The following SYNE2 variants were observed in gnomAD, a reference collection of about 807,000 sequenced individuals.
SYNE2 encodes spectrin repeat containing nuclear envelope protein 2, also known as nesprin-2.
Under a neutral mutation model 856.3 loss-of-function variants are expected in SYNE2, and 431 were observed. The observed-to-expected ratio is 0.50, with a 90% CI of 0.47 to 0.55. The LOEUF (loss-of-function observed/expected upper bound fraction) is 0.55. Ranked by LOEUF, SYNE2 falls within the 20% of genes least tolerant of loss-of-function variation. The pLI is 0.00. For missense variants in SYNE2, 8,129 were observed against 8,023.2 expected (o/e 1.01, Z -0.50); for synonymous variants, 2,923 against 2,872.3 (o/e 1.02, Z -0.56).
intron 14 of SYNE2, among the ~76,000 whole-genome samples, chr14:63,979,925 GA>G (rs1445377938): frequency 6.6e-6 from 1 of 151,692 alleles, no homozygotes; most frequent in Non-Finnish European, 1.5e-5. Flanking sequence ...AAATAGAAAT[GA>G]GGGGGGGAAG....
intron 1 of SYNE2, among the ~76,000 whole-genome samples, chr14:63,900,466 G>A (rs558182113): frequency 2.6e-5 from 4 of 152,194 alleles, no homozygotes; most frequent in Non-Finnish European, 4.4e-5. Context: ...TCCCCCAATA[G>A]TAACCATCAG....
intron 93 of SYNE2, 143 bp from the exon 94 acceptor site, chr14:64,170,085 A>G: frequency 1.3e-6 from 1 of 782,628 alleles, no homozygotes; most frequent in Non-Finnish European, 2.2e-6. Context: ...TTTAAATTGA[A>G]TAGCACTCAG....
intron 60 of SYNE2, among the ~76,000 whole-genome samples, chr14:64,092,759 G>C (rs988173092): frequency 4.6e-5 from 7 of 152,170 alleles, no homozygotes; most frequent in African/African-American, 1.7e-4. Flanking sequence ...CTAGATGCCA[G>C]GTATTGTTCT....
rs1362456543 is a variant in SYNE2 at position 64,122,431 on chromosome 14, A to G, written c.13422+4A>G. ...CCCTCAGCTTGTGGAGCCTCAGGTC[A>G]GTCTGTATCTACATGGTGCAAATAG... On this transcript the variant is annotated splice_donor_region_variant and intron_variant, in intron 70 of 115. Transcript: ENST00000555002. The G allele has an allele frequency of 6.2e-7, 1 of 1,614,210 alleles. No homozygotes were observed. The highest frequency in any genetic ancestry group is 1.7e-5 in the Admixed American group (1 of 60,024).
At chr14:63,863,609 C>T (rs1595265080) in intron 1 of SYNE2, among the ~76,000 whole-genome samples, 3 of 152,154 alleles carry the variant, frequency 2.0e-5, no homozygotes, top group East Asian at 3.9e-4. Flanking sequence ...AAAAACCCCC[C>T]ACAACTCAAA....
At position 63,954,674 on chromosome 14, in the gene SYNE2, G is replaced by A. The variant is rs1255874; in HGVS notation, c.591-45G>A. ...TGAATATAGTGGAGGGGGGTGTTAC[G>A]TTCTTTTTAATGGTATTTGTCATGT... On this transcript the variant is annotated intron_variant, in intron 7 of 115. Coordinates refer to ENST00000555002, the MANE Select transcript of SYNE2 (RefSeq NM_182914.3). 0.7 allele frequency: 1,099,915 copies of A among 1,571,754 alleles called. 386,173 individuals are homozygous for A. The highest frequency in any genetic ancestry group is 0.77 in the South Asian group (69,142 of 89,674).
chr14:64,210,171 T>A (rs776737589), intron 103 of SYNE2, 47 bp downstream of exon 103: 2 of 1,597,898 alleles, frequency 1.3e-6, no homozygotes, highest in African/African-American at 1.3e-5. Context: ...CCAGGAGACA[T>A]AACGCACGAT....
chr14:64,006,240 T>G lies in SYNE2; in HGVS notation c.4398-803T>G, dbSNP rs540033831. On this transcript the variant is annotated intron_variant, in intron 30 of 115. Coordinates refer to ENST00000555002, the MANE Select transcript of SYNE2 (RefSeq NM_182914.3). ...TATTACTTTATCCTTAAATAACTCC[T>G]TTTTGATAGGGAGAGCTTTTTGTAC... Among the ~76,000 whole-genome samples the G allele has an allele frequency of 5.8e-4, 89 of 152,198 alleles. 1 individual carries two copies. Among genetic ancestry groups the G allele is most frequent in the Non-Finnish European group, 1.2e-3 (82 of 68,032 alleles).
At position 64,163,477 on chromosome 14, in the gene SYNE2, C is replaced by A. The variant is rs1335889880; in HGVS notation, c.16375C>A (p.Pro5459Thr). ...CAGTGTCCTGGATCGACTCCCACAA[C>A]CCGCAGAGTCCAGCACCCACATGCT... The part of the protein sequence containing the change: ...NSSVLDRLPQ[P>T]AESSTHMLLP... The change falls in exon 89 of 116, where the codon CCC (proline) becomes ACC (threonine). Residue 5459 changes from proline (P) to threonine (T), a missense_variant. This residue lies in a region of SYNE2 where 5,410 missense variants were observed against 5,284.8 expected (regional missense o/e 1.02). Transcript: ENST00000555002. The A allele has an allele frequency of 6.2e-7, 1 of 1,614,196 alleles. No homozygotes were observed. The highest frequency in any genetic ancestry group is 8.5e-7 in the Non-Finnish European group (1 of 1,180,038).
chr14:64,017,643 G>C lies in SYNE2; in HGVS notation c.4936G>C (p.Ala1646Pro), dbSNP rs2096903658. The change falls in exon 34 of 116, where the codon GCT becomes CCT. Residue 1646 changes from alanine (A) to proline (P), a missense_variant. By Grantham distance (27) the Ala-to-Pro change is conservative (BLOSUM62 -1). This residue lies in a region of SYNE2 where 2,422 missense variants were observed against 2,357.4 expected (regional missense o/e 1.03). Coordinates refer to ENST00000555002, the MANE Select transcript of SYNE2 (RefSeq NM_182914.3). Reference protein sequence around the residue: ...DYYENLGRALALWDKLFNLKN... With the variant: ...DYYENLGRALPLWDKLFNLKN... ...CTATGAAAATCTTGGTCGAGCTCTA[G>C]CTTTGTGGGACAAACTTTTTAACTT... 4 of 1,613,396 alleles carry C rather than the reference G, an allele frequency of 2.5e-6. No homozygotes were observed. Among genetic ancestry groups the C allele is most frequent in the Admixed American group, 1.7e-5 (1 of 59,992 alleles).
chr14:64,169,416 A>C (rs1032445689), intron 93 of SYNE2, among the ~76,000 whole-genome samples: 1 of 152,238 alleles, frequency 6.6e-6, no homozygotes, highest in African/African-American at 2.4e-5. Flanking sequence ...TCCATGCTAC[A>C]TATGTGGGCT....
At chr14:64,148,460 C>T (rs2098207984) in intron 84 of SYNE2, among the ~76,000 whole-genome samples, 2 of 152,200 alleles carry the variant, frequency 1.3e-5, no homozygotes, top group Non-Finnish European at 2.9e-5. Flanking sequence ...CATCCCTCGT[C>T]AGTCCCCATT....
chr14:63,967,695 T>G lies in SYNE2; in HGVS notation c.991-14T>G. ...TAAACATTTTCAATCTTTAAAATAC[T>G]CTTCTAATTGCAGAGCCTGCTGTCC... is the stretch of plus-strand genomic sequence containing the variant. On this transcript the variant is annotated splice_polypyrimidine_tract_variant and intron_variant, in intron 10 of 115. Transcript: ENST00000555002. The G allele has an allele frequency of 6.2e-7, 1 of 1,613,156 alleles. No homozygotes were observed. Among genetic ancestry groups the G allele is most frequent in the East Asian group, 2.2e-5 (1 of 44,846 alleles).
chr14:63,858,115 A>ATTATTTAT (rs572263543), intron 1 of SYNE2, among the ~76,000 whole-genome samples: 65 of 151,404 alleles, frequency 4.3e-4, no homozygotes, highest in Admixed American at 2.0e-3. Flanking sequence ...TTTTTATTTT[A>ATTATTTAT]TTATTTATTT....
upstream of SYNE2, among the ~76,000 whole-genome samples, chr14:63,761,796 G>A (rs1886491599): frequency 6.6e-6 from 1 of 152,144 alleles, no homozygotes; most frequent in African/African-American, 2.4e-5. Context: ...GGGATAGCAC[G>A]TCATGAATTC....
chr14:64,118,682 G>A (rs997551101), intron 66 of SYNE2, among the ~76,000 whole-genome samples: 4 of 151,922 alleles, frequency 2.6e-5, no homozygotes, highest in South Asian at 2.1e-4. Flanking sequence ...CCAAAATGGC[G>A]AAACGCCATC....
At chr14:63,919,141 T>A (rs1385091492) in intron 2 of SYNE2, among the ~76,000 whole-genome samples, 1 of 152,230 alleles carries the variant, frequency 6.6e-6, no homozygotes, top group African/African-American at 2.4e-5. Context: ...CCCTACCTTG[T>A]ATCAGGCACT....
rs10544076 is a variant in SYNE2 at position 63,895,775 on chromosome 14, C to CAAAAAA, written c.-51-13308_-51-13303dup. Among the ~76,000 whole-genome samples the CAAAAAA allele has an allele frequency of 8.1e-3, 751 of 92,504 alleles. 4 individuals carry two copies. Among genetic ancestry groups the CAAAAAA allele is most frequent in the African/African-American group, 0.023 (500 of 21,992 alleles). 60.7% of individuals were successfully genotyped at this position (92,504 alleles called of 152,430 possible). A position where few individuals can be genotyped will look rare whatever the true frequency, so the allele number is the denominator to read the frequency against. ...GAGTGAGACCCTGTCTCCAAATCTC[C>CAAAAAA]AAAAAAAAAAAAAAAAAAAACCTAG... On this transcript the variant is annotated intron_variant, in intron 1 of 115. Transcript: ENST00000555002.
intron 1 of SYNE2, among the ~76,000 whole-genome samples, chr14:63,813,707 A>G (rs1192164239): frequency 6.6e-6 from 1 of 152,108 alleles, no homozygotes; most frequent in African/African-American, 2.4e-5. Flanking sequence ...GTGGATCACG[A>G]GGTCAGAAAT....
Sources: gnomAD v4.1 joint callset for allele counts (sites outside exome capture counted in the v4.1 genomes callset) on GRCh38, gnomAD v4.1.1 for gene constraint, gnomAD v4.1.1 regional missense constraint, MANE v1.5 for transcripts, NCBI Gene and HGNC (gene_info 2026-07-23, HGNC 2026-07-21) for gene names.